Variants in CNST observed in about 807,000 individuals in gnomAD.
CNST encodes consortin.
A neutral mutation model predicts 72.4 loss-of-function variants in CNST; 39 were observed. That is an observed-to-expected ratio of 0.54 (90% confidence interval 0.42 to 0.70). The LOEUF (loss-of-function observed/expected upper bound fraction) is 0.70. Among genes scored for constraint, CNST ranks in the 30% least tolerant of loss-of-function variants. The probability of loss-of-function intolerance (pLI) is 0.00; values close to 1 mark genes in which losing one functional copy is unlikely to be tolerated. For missense variants in CNST, 871 were observed against 868.5 expected, an observed-to-expected ratio of 1.00 and a Z score of -0.04; for synonymous variants, 332 against 320.1, an observed-to-expected ratio of 1.04 and a Z score of -0.40.
At chr1:246,596,379 CAG>C (rs1661882079) in intron 2 of CNST, among the ~76,000 whole-genome samples, 1 of 147,540 alleles carries the variant, frequency 6.8e-6, no homozygotes, top group Non-Finnish European at 1.5e-5. Flanking sequence ...AACTTGGAGA[CAG>C]AGTGAGATCC....
chr1:246,650,096 GAAATT>G (rs1311616975), intron 9 of CNST, among the ~76,000 whole-genome samples: 2 of 151,906 alleles, frequency 1.3e-5, no homozygotes, highest in African/African-American at 4.8e-5. Flanking sequence ...CTATTTCTAA[GAAATT>G]AAAGAGTTGT....
At chr1:246,607,151 C>G (rs573041105) in intron 2 of CNST, 2 of 152,138 alleles carry the variant, frequency 1.3e-5, no homozygotes, top group African/African-American at 4.8e-5. Context: ...TATCAGTCCA[C>G]TTGCGGGATA....
intron 2 of CNST, among the ~76,000 whole-genome samples, chr1:246,612,183 T>C (rs12132823): frequency 0.043 from 6,551 of 152,262 alleles, 191 homozygotes; most frequent in Middle Eastern, 0.088. Flanking sequence ...GTGGTGATGA[T>C]TGAACAACAT....
Position 246,591,935 on chromosome 1 carries a change from C to A in CNST, c.373C>A (p.Pro125Thr). 5.6e-6 allele frequency: 9 copies of A among 1,603,464 alleles called. No homozygotes were observed. The highest frequency in any genetic ancestry group is 6.0e-6 in the Non-Finnish European group (7 of 1,176,374). The part of the protein sequence containing the change: ...RSKKGTAKKI[P>T]PGLFSGDIAP... ...CAAAAAAGGGACTGCTAAGAAGATA[C>A]CACCAGGTATTGTTTAAAATAGTAT... The change falls in exon 2 of 11, where the codon CCA (proline) becomes ACA (threonine). Residue 125 changes from proline (P) to threonine (T), a missense_variant. Physicochemically the swap from Pro to Thr is conservative, Grantham distance 38. Transcript: ENST00000366513.
At chr1:246,658,960 ATGGCGAGGGTTT>A (rs1183483028) in intron 9 of CNST, among the ~76,000 whole-genome samples, 2 of 152,184 alleles carry the variant, frequency 1.3e-5, no homozygotes, top group African/African-American at 4.8e-5. Context: ...TAGCTCCTAA[ATGGCGAGGGTTT>A]TTGGTTTTGT....
At chr1:246,579,092 C>G (rs748253333) in intron 1 of CNST, among the ~76,000 whole-genome samples, 1 of 152,184 alleles carries the variant, frequency 6.6e-6, no homozygotes, top group East Asian at 1.9e-4. Context: ...ATAAACATTT[C>G]TATAAAGTGA....
chr1:246,634,035 T>C lies in CNST; in HGVS notation c.703+25T>C, dbSNP rs749467316. On this transcript the variant is annotated intron_variant, in intron 5 of 10. Coordinates refer to ENST00000366513, the MANE Select transcript of CNST (RefSeq NM_152609.3). ...GGTAAGTACAGACCAACATGGAATG[T>C]GGAATTAGCAGTAATCCAACAAGTC... is the stretch of plus-strand genomic sequence containing the variant. 30 of 1,441,788 alleles carry C rather than the reference T, an allele frequency of 2.1e-5. No homozygotes were observed. In the South Asian group the frequency reaches 3.3e-4, roughly 16 times the overall value. The allele number at this position is 1,441,788 out of a possible 1,614,324, so 89.3% of individuals were successfully genotyped here.
intron 6 of CNST, among the ~76,000 whole-genome samples, chr1:246,638,838 G>A (rs1460816534): frequency 6.6e-6 from 1 of 152,178 alleles, no homozygotes; most frequent in African/African-American, 2.4e-5. Flanking sequence ...GGGAGGTAGT[G>A]GCTTCAGGTA....
chr1:246,582,220 C>G (rs987633958), intron 1 of CNST, among the ~76,000 whole-genome samples: 41 of 152,160 alleles, frequency 2.7e-4, no homozygotes, highest in Non-Finnish European at 1.5e-5. Context: ...CTGCCTTCTC[C>G]CACTGTATTC....
chr1:246,597,707 C>G (rs1661979486), intron 2 of CNST, among the ~76,000 whole-genome samples: 1 of 152,132 alleles, frequency 6.6e-6, no homozygotes, highest in Admixed American at 6.5e-5. Context: ...AAGCCTGAGT[C>G]AGGCTGGTGT....
chr1:246,574,674 G>C (rs1328760354), intron 1 of CNST, among the ~76,000 whole-genome samples: 2 of 151,912 alleles, frequency 1.3e-5, no homozygotes, highest in African/African-American at 4.8e-5. Context: ...CGATCCTCCA[G>C]CCTTGGCCTC....
intron 2 of CNST, among the ~76,000 whole-genome samples, chr1:246,604,611 C>A (rs920233364): frequency 6.6e-6 from 1 of 151,606 alleles, no homozygotes; most frequent in African/African-American, 2.4e-5. Context: ...AGGCTCTCCC[C>A]CTTCTCCCAC....
chr1:246,648,074 G>A (rs1183241242), intron 9 of CNST, 37 bp downstream of exon 9: 1 of 1,556,824 alleles, frequency 6.4e-7, no homozygotes, highest in East Asian at 2.3e-5. Flanking sequence ...AAGTAAAATG[G>A]CATTTAAAAA....
chr1:246,578,565 G>T (rs1558527988), intron 1 of CNST, among the ~76,000 whole-genome samples: 1 of 152,038 alleles, frequency 6.6e-6, no homozygotes. Context: ...CAGCTACTCG[G>T]GAGGCTGAGG....
At chr1:246,637,423 A>G (rs1356082292) in intron 6 of CNST, among the ~76,000 whole-genome samples, 1 of 152,248 alleles carries the variant, frequency 6.6e-6, no homozygotes, top group Non-Finnish European at 1.5e-5. Flanking sequence ...ATGAAAGACC[A>G]TGTCTGGATT....
At chr1:246,584,014 A>G (rs1186927916) in intron 1 of CNST, among the ~76,000 whole-genome samples, 1 of 112,156 alleles carries the variant, frequency 8.9e-6, no homozygotes. Context: ...GTCATAGCTC[A>G]CTGCTGCCTT....
chr1:246,666,053 G>A lies in CNST; in HGVS notation c.*148G>A, dbSNP rs1205098225. The A allele has an allele frequency of 3.5e-5, 21 of 606,568 alleles. No individual in the cohort carries two copies. The highest frequency in any genetic ancestry group is 4.4e-4 in the Middle Eastern group (1 of 2,278). 37.6% of individuals were successfully genotyped at this position (606,568 alleles called of 1,614,324 possible). On this transcript the variant is annotated 3_prime_UTR_variant, in exon 11 of 11. Coordinates refer to ENST00000366513, the MANE Select transcript of CNST (RefSeq NM_152609.3). The stretch of plus-strand genomic sequence containing the variant: ...AAATAGCAACTTTAAGTGGCAAGCC[G>A]GAGGAACTCTGTTAGAATAATCCAC...
At chr1:246,663,922 T>C (rs1052495683) in intron 10 of CNST, among the ~76,000 whole-genome samples, 6 of 152,168 alleles carry the variant, frequency 3.9e-5, no homozygotes, top group Non-Finnish European at 7.4e-5. Flanking sequence ...GATAGTCCCT[T>C]AGACTCTAAG....
intron 1 of CNST, among the ~76,000 whole-genome samples, chr1:246,571,377 T>G (rs1331608803): frequency 6.6e-6 from 1 of 152,236 alleles, no homozygotes; most frequent in Non-Finnish European, 1.5e-5. Context: ...TTCAAACTCC[T>G]GACCTCAAGT....
Sources: gnomAD v4.1 joint callset for allele counts (sites outside exome capture counted in the v4.1 genomes callset) on GRCh38, gnomAD v4.1.1 for gene constraint, MANE v1.5 for transcripts, NCBI Gene and HGNC (gene_info 2026-07-23, HGNC 2026-07-21) for gene names.